The following ARMCX4 variants were observed in gnomAD, a reference collection of about 807,000 sequenced individuals.
The protein encoded by ARMCX4 is armadillo repeat-containing X-linked protein 4.
Under a neutral mutation model 34.7 loss-of-function variants are expected in ARMCX4, and 3 were observed. The ratio of observed to expected loss-of-function variants is 0.09; its 90% confidence interval spans 0.04 to 0.22. ARMCX4 has a LOEUF of 0.22. Ranked by LOEUF, ARMCX4 falls within the 10% of genes least tolerant of loss-of-function variation. ARMCX4 has a pLI of 1.00. For synonymous variants in ARMCX4, 513 were observed against 632.8 expected (o/e 0.81, Z 2.84); for missense variants, 1,448 against 1,720.8 (o/e 0.84, Z 2.81).
chrX:101,432,864 A>C (rs62600846), intron 2 of ARMCX4, among the ~76,000 whole-genome samples: 6,130 of 87,183 alleles, frequency 0.07, 281 homozygotes, highest in South Asian at 0.33. Context: ...ATATACACGT[A>C]TATATACACA....
At position 101,485,526 on chromosome X, in the gene ARMCX4, A is replaced by T; in HGVS notation, c.-441A>T. 1.7e-6 allele frequency: 1 copy of T among 593,085 alleles called. No homozygotes were observed. The allele number at this position is 593,085 out of a possible 1,213,427, so 48.9% of individuals were successfully genotyped here. ...CTGGCATCGGGCCCGGGGAAAGCGG[A>T]GCAGGTAAGGGCCCTGGGGCCCGCG... On this transcript the variant is annotated 5_prime_UTR_variant, in exon 1 of 6. Transcript: ENST00000423738.
Position 101,491,900 on chromosome X carries a change from A to C in ARMCX4, c.3311A>C (p.Asp1104Ala). Residue 1104 changes from aspartate to alanine, a missense_variant, in exon 6 of 6, where the codon GAC (aspartate) becomes GCC (alanine). This residue lies in a region of ARMCX4 where 1,343 missense variants were observed against 1,540.7 expected (regional missense o/e 0.87). Coordinates refer to ENST00000423738, the MANE Select transcript of ARMCX4 (RefSeq NM_001256155.3). ...DYYWNGIGVE[D>A]WIAAERWIKF... is the part of the protein sequence containing the mutation. ...TACTGGAATGGGATTGGTGTTGAAG[A>C]CTGGATTGCTGCTGAGCGGTGGATC... 8.6e-7 allele frequency: 1 copy of C among 1,156,186 alleles called. No homozygotes were observed. The highest frequency in any genetic ancestry group is 1.1e-6 in the Non-Finnish European group (1 of 872,835).
chrX:101,512,871 T>G (rs782664748), intron 11 of ARMCX4, among the ~76,000 whole-genome samples: 326 of 72,392 alleles, frequency 4.5e-3, no homozygotes, highest in Middle Eastern at 0.02. Flanking sequence ...TATATATATG[T>G]AGAGAGAGAG....
chrX:101,506,814 G>A (rs782037165), intron 8 of ARMCX4, among the ~76,000 whole-genome samples: 41 of 110,616 alleles, frequency 3.7e-4, no homozygotes, highest in Non-Finnish European at 7.2e-4. Flanking sequence ...CATAGTTATA[G>A]GGTACCATAA....
intron 2 of ARMCX4, among the ~76,000 whole-genome samples, chrX:101,425,555 G>A (rs1185405080): frequency 1.8e-5 from 2 of 109,649 alleles, no homozygotes; most frequent in East Asian, 5.8e-4. Flanking sequence ...CACCATGCCC[G>A]ACTAATTTTT....
Position 101,431,315 on chromosome X carries a change from A to C in ARMCX4, n.164+12315A>C, listed in dbSNP as rs144787808. On this transcript the variant is annotated intron_variant and non_coding_transcript_variant, in intron 2 of 3. Coordinates refer to the ARMCX4 transcript ENST00000430461. The stretch of plus-strand genomic sequence containing the variant: ...GGGTGTCACTCCCCAGGATAAGGCA[A>C]ACAAAAACAAGAACAGACACATATC... Among the ~76,000 whole-genome samples the C allele has an allele frequency of 4.7e-3, 526 of 111,611 alleles. 6 individuals carry two copies. The highest frequency in any genetic ancestry group is 0.017 in the African/African-American group (510 of 30,746).
downstream of ARMCX4, among the ~76,000 whole-genome samples, chrX:101,534,647 CATTTA>C (rs1935190283): frequency 9.2e-6 from 1 of 108,275 alleles, no homozygotes; most frequent in Admixed American, 9.9e-5. Context: ...GGGTATTATA[CATTTA>C]ATTTAAAGAC....
chrX:101,456,678 A>G (rs964021579), intron 4 of ARMCX4, among the ~76,000 whole-genome samples: 1 of 111,706 alleles, frequency 9.0e-6, no homozygotes, highest in Middle Eastern at 4.6e-3. Flanking sequence ...CCTTCTAAAG[A>G]GTTTGGACTT....
chrX:101,443,727 C>T, intron 2 of ARMCX4: 1 of 279,352 alleles, frequency 3.6e-6, no homozygotes, highest in Non-Finnish European at 6.7e-6. Context: ...TCGGTCTTGC[C>T]ATTCCTGCTC....
intron 4 of ARMCX4, 68 bp from the exon 5 acceptor site, chrX:101,487,976 A>T (rs1933820498): frequency 1.7e-6 from 1 of 591,094 alleles, no homozygotes; most frequent in South Asian, 2.5e-5. Flanking sequence ...CTCTACTCCC[A>T]TCTGTCCCTC....
chrX:101,500,293 GT>G (rs1402689552), downstream of ARMCX4, among the ~76,000 whole-genome samples: 2 of 111,409 alleles, frequency 1.8e-5, no homozygotes, highest in African/African-American at 6.5e-5. Flanking sequence ...AATAGACATA[GT>G]TGGTTAGTTG....
At chrX:101,454,870 G>A (rs1443607069) in intron 4 of ARMCX4, among the ~76,000 whole-genome samples, 1 of 111,389 alleles carries the variant, frequency 9.0e-6, no homozygotes, top group Non-Finnish European at 1.9e-5. Context: ...TCCCAGGGTT[G>A]CAGACTTCTA....
chrX:101,457,302 A>G (rs1932339447), intron 4 of ARMCX4, among the ~76,000 whole-genome samples: 1 of 112,442 alleles, frequency 8.9e-6, no homozygotes, highest in East Asian at 2.8e-4. Flanking sequence ...TTCAAGAGGT[A>G]CATACTATCT....
At chrX:101,502,964 T>C (rs1486583260) in intron 7 of ARMCX4, among the ~76,000 whole-genome samples, 1 of 77,513 alleles carries the variant, frequency 1.3e-5, no homozygotes, top group Non-Finnish European at 2.3e-5. Context: ...GGCCCTGGTG[T>C]GTGATGTTCC....
At position 101,494,165 on chromosome X, in the gene ARMCX4, C is replaced by A. The variant is rs1556011084; in HGVS notation, c.5576C>A (p.Thr1859Asn). ...AGIWSWDGDA[T>N]TVESRLGAGE... ...ATTTGGTCCTGGGATGGAGATGCAACCACTGTAGAGTCTAGGCTTGGGGCT... is the reference window on the plus strand; with the variant it reads ...ATTTGGTCCTGGGATGGAGATGCAAACACTGTAGAGTCTAGGCTTGGGGCT... Residue 1859 changes from threonine (T) to asparagine (N), a missense_variant, in exon 6 of 6, where the codon ACC becomes AAC. Physicochemically the swap from Thr to Asn is moderately conservative, Grantham distance 65. Coordinates refer to ENST00000423738, the MANE Select transcript of ARMCX4 (RefSeq NM_001256155.3). The A allele has an allele frequency of 8.9e-7, 1 of 1,123,826 alleles. No homozygotes were observed. Among genetic ancestry groups the A allele is most frequent in the South Asian group, 2.1e-5 (1 of 48,433 alleles). The allele number at this position is 1,123,826 out of a possible 1,213,427, so 92.6% of individuals were successfully genotyped here. A position where few individuals can be genotyped will look rare whatever the true frequency, so the allele number is the denominator to read the frequency against.
In ARMCX4 at chrX:101,458,894, A is replaced by G. The variant is rs73563049; in HGVS notation, c.-473+12850A>G. Among the ~76,000 whole-genome samples the G allele has an allele frequency of 2.0e-3, 227 of 112,304 alleles. 1 individual carries two copies. The highest frequency in any genetic ancestry group is 6.7e-3 in the African/African-American group (207 of 30,976). ...TAAAATAAAATAAAATTAAATTAAAATTAAAATGGAATGGGGTAGAATCTC... is the reference window on the plus strand; with the variant it reads ...TAAAATAAAATAAAATTAAATTAAAGTTAAAATGGAATGGGGTAGAATCTC... On this transcript the variant is annotated intron_variant and NMD_transcript_variant, in intron 4 of 15. Coordinates refer to the ARMCX4 transcript ENST00000433011.
chrX:101,463,587 C>A (rs1932713011), intron 4 of ARMCX4, among the ~76,000 whole-genome samples: 1 of 111,652 alleles, frequency 9.0e-6, no homozygotes, highest in African/African-American at 3.3e-5. Context: ...AAGTGAGAAC[C>A]AGTCTTGTCT....
chrX:101,425,371 G>A (rs1182658056), intron 2 of ARMCX4, among the ~76,000 whole-genome samples: 1 of 108,943 alleles, frequency 9.2e-6, no homozygotes, highest in African/African-American at 3.4e-5. Flanking sequence ...ATTGGAGTGT[G>A]GTTAGCAGAG....
At chrX:101,534,273 GA>G (rs1393964685), downstream of ARMCX4, among the ~76,000 whole-genome samples, 5 of 111,597 alleles carry the variant, frequency 4.5e-5, no homozygotes, top group African/African-American at 1.6e-4. Context: ...TTGTTGGATA[GA>G]AAGATATTCC....
Sources: allele counts gnomAD v4.1 joint callset (sites outside exome capture counted in the v4.1 genomes callset), GRCh38; gene constraint gnomAD v4.1.1; regional missense constraint gnomAD v4.1.1; transcripts MANE v1.5; gene names NCBI Gene and HGNC (gene_info 2026-07-23, HGNC 2026-07-21).